Variants in LRP1B observed in about 807,000 individuals in gnomAD.
The protein encoded by LRP1B is LDL receptor related protein 1B, also known as low-density lipoprotein receptor-related protein 1B.
A neutral mutation model predicts 556.6 loss-of-function variants in LRP1B; 217 were observed. The observed-to-expected ratio is 0.39, with a 90% CI of 0.35 to 0.44. The LOEUF is 0.44. Among genes scored for constraint, LRP1B ranks in the 20% least tolerant of loss-of-function variants. The probability of loss-of-function intolerance (pLI) is 1.00; values close to 1 mark genes in which losing one functional copy is unlikely to be tolerated. For missense variants in LRP1B, 5,053 were observed against 5,620.8 expected, an observed-to-expected ratio of 0.90 and a Z score of 3.23; for synonymous variants, 2,047 against 1,865.8, an observed-to-expected ratio of 1.10 and a Z score of -2.50.
rs570587972 is a variant in LRP1B, at chr2:140,840,477, T to C, written c.5115-392A>G. ...TTTCTTCCATTGCTGTTGAAAGCAC[T>C]AGGGAGAAAAACATCTCTTTTAGCT... On this transcript the variant is annotated intron_variant, in intron 30 of 90. Transcript: ENST00000389484. Among the ~76,000 whole-genome samples the C allele has an allele frequency of 2.0e-5, 3 of 152,288 alleles. No homozygotes were observed. The East Asian group carries it at 5.8e-4, about 29-fold the overall frequency.
intron 18 of LRP1B, among the ~76,000 whole-genome samples, chr2:140,967,024 G>C (rs1423264730): frequency 5.3e-5 from 8 of 152,118 alleles, no homozygotes; most frequent in African/African-American, 1.9e-4. Flanking sequence ...TTGGCAATGA[G>C]GGCTCTTTTT....
rs192354198 is a variant in LRP1B at position 140,752,310 on chromosome 2, C to G, written c.5758+16903G>C. ...TAAATCTAATTCTGGGTAATTATGA[C>G]AACTTAAAATACTTTTTTTTTTTTT... On this transcript the variant is annotated intron_variant, in intron 35 of 90. Transcript: ENST00000389484. Among the ~76,000 whole-genome samples the G allele has an allele frequency of 3.0e-4, 44 of 147,602 alleles. 1 individual carries two copies. The highest frequency in any genetic ancestry group is 2.2e-3 in the Admixed American group (32 of 14,638).
chr2:140,606,343 C>T (rs896305639), intron 41 of LRP1B, among the ~76,000 whole-genome samples: 1 of 151,748 alleles, frequency 6.6e-6, no homozygotes, highest in African/African-American at 2.4e-5. Context: ...TGCACCCAAA[C>T]TACAGCACAT....
intron 2 of LRP1B, among the ~76,000 whole-genome samples, chr2:141,545,351 T>G (rs2890615): frequency 0.28 from 43,056 of 152,098 alleles, 6,370 homozygotes; most frequent in East Asian, 0.48. Flanking sequence ...GTCTACTTCC[T>G]TACACAGTTT....
chr2:140,358,187 C>T lies in LRP1B; in HGVS notation c.11258-71G>A, dbSNP rs530853823. ...CACTCTTATTGAGCATGTAATAGCT[C>T]CAAAATTTTACTAACTACTATGAAA... On this transcript the variant is annotated intron_variant, in intron 73 of 90. Coordinates refer to ENST00000389484, the MANE Select transcript of LRP1B (RefSeq NM_018557.3). The T allele has an allele frequency of 2.6e-5, 36 of 1,407,534 alleles. 1 individual carries two copies. The African/African-American group carries it at 2.7e-4, about 10-fold the overall frequency. 87.2% of individuals were successfully genotyped at this position (1,407,534 alleles called of 1,614,324 possible).
chr2:140,619,005 G>A (rs1476248101), intron 41 of LRP1B, among the ~76,000 whole-genome samples: 1 of 151,752 alleles, frequency 6.6e-6, no homozygotes, highest in Non-Finnish European at 1.5e-5. Context: ...ATTGCAGAAT[G>A]GATTGTTTTC....
At chr2:141,397,963 G>A (rs1373062838) in intron 3 of LRP1B, among the ~76,000 whole-genome samples, 3 of 151,632 alleles carry the variant, frequency 2.0e-5, no homozygotes, top group Non-Finnish European at 2.9e-5. Flanking sequence ...ATGTCTAGAT[G>A]GGAAAGTATA....
At chr2:141,178,130 G>A (rs531109387) in intron 7 of LRP1B, among the ~76,000 whole-genome samples, 1 of 152,174 alleles carries the variant, frequency 6.6e-6, no homozygotes, top group African/African-American at 2.4e-5. Context: ...TCTTAAAACC[G>A]GAAAAGGCAA....
chr2:141,289,033 A>G (rs1685836064), intron 3 of LRP1B, among the ~76,000 whole-genome samples: 1 of 152,180 alleles, frequency 6.6e-6, no homozygotes, highest in Admixed American at 6.5e-5. Flanking sequence ...TGGTTTTTAC[A>G]ATAACACGCT....
intron 43 of LRP1B, among the ~76,000 whole-genome samples, chr2:140,566,961 C>T (rs1010819104): frequency 6.6e-6 from 1 of 152,066 alleles, no homozygotes; most frequent in African/African-American, 2.4e-5. Flanking sequence ...ACACCCTCAC[C>T]CCCGATCCTG....
At chr2:140,967,115 T>C (rs1308761547) in intron 18 of LRP1B, among the ~76,000 whole-genome samples, 3 of 152,332 alleles carry the variant, frequency 2.0e-5, no homozygotes, top group East Asian at 3.9e-4. Flanking sequence ...TGGCATTAAA[T>C]CTATAAATTA....
rs145309166 is a variant in LRP1B at position 140,517,030 on chromosome 2, T to G, written c.8027-19A>C. 37 of 1,535,468 alleles carry G rather than the reference T, an allele frequency of 2.4e-5. No individual in the cohort carries two copies. The African/African-American group carries it at 4.8e-4, about 20-fold the overall frequency. On this transcript the variant is annotated intron_variant, in intron 49 of 90. Transcript: ENST00000389484. ...TTTTGAACTGTGATAAAATATGGAA[T>G]GTCAAACAATTTCATTTTAGACTTC...
At chr2:140,392,481 A>G (rs2105212336) in intron 66 of LRP1B, among the ~76,000 whole-genome samples, 1 of 152,130 alleles carries the variant, frequency 6.6e-6, no homozygotes, top group African/African-American at 2.4e-5. Context: ...CAAGGATTCA[A>G]AAGAATGCAA....
At chr2:140,487,483 C>A (rs927499791) in intron 58 of LRP1B, 134 bp downstream of exon 58, 41 of 712,348 alleles carry the variant, frequency 5.8e-5, no homozygotes, top group Non-Finnish European at 7.5e-5. Flanking sequence ...TTTAATCACA[C>A]TATACAAATG....
At chr2:141,903,147 C>CT (rs34961675) in intron 1 of LRP1B, among the ~76,000 whole-genome samples, 118,314 of 149,400 alleles carry the variant, frequency 0.79, 46,933 homozygotes, top group East Asian at 0.95. Context: ...ATGTCTAAAT[C>CT]TTTTTTTTTT....
chr2:141,070,557 A>C (rs933301966), intron 7 of LRP1B, among the ~76,000 whole-genome samples: 2 of 152,130 alleles, frequency 1.3e-5, no homozygotes, highest in Non-Finnish European at 2.9e-5. Flanking sequence ...AAAATTAATG[A>C]ATCCAGGAGC....
At chr2:140,536,116 C>T (rs974404806) in intron 46 of LRP1B, among the ~76,000 whole-genome samples, 1 of 151,494 alleles carries the variant, frequency 6.6e-6, no homozygotes, top group Non-Finnish European at 1.5e-5. Flanking sequence ...ATGAATAAGT[C>T]GGGGGTTCAA....
At chr2:140,642,792 C>T (rs1194857895) in intron 41 of LRP1B, among the ~76,000 whole-genome samples, 14 of 152,168 alleles carry the variant, frequency 9.2e-5, no homozygotes, top group African/African-American at 3.4e-4. Flanking sequence ...TGCATTGAGC[C>T]GAGATCGCGC....
At chr2:141,146,457 A>G (rs1309059769) in intron 7 of LRP1B, among the ~76,000 whole-genome samples, 1 of 152,188 alleles carries the variant, frequency 6.6e-6, no homozygotes, top group African/African-American at 2.4e-5. Context: ...CGTGTGCTCT[A>G]TTTACAAAGA....
Sources: allele counts gnomAD v4.1 joint callset (sites outside exome capture counted in the v4.1 genomes callset), GRCh38; gene constraint gnomAD v4.1.1; transcripts MANE v1.5; gene names NCBI Gene and HGNC (gene_info 2026-07-23, HGNC 2026-07-21).